BHMT: variants seen among roughly 807,000 people sequenced by gnomAD.
BHMT encodes betaine--homocysteine S-methyltransferase, also known as betaine--homocysteine S-methyltransferase 1.
BHMT carries 38 observed loss-of-function variants against 49.5 expected under a neutral mutation model. That is an observed-to-expected ratio of 0.77 (90% confidence interval 0.59 to 1.01). The LOEUF is 1.01. Ranked by LOEUF, BHMT falls within the 50% of genes least tolerant of loss-of-function variation. The probability of loss-of-function intolerance (pLI) is 0.00; values close to 1 mark genes in which losing one functional copy is unlikely to be tolerated. For missense variants in BHMT, 426 were observed against 495.7 expected (o/e 0.86, Z 1.34); for synonymous variants, 166 against 176.3 (o/e 0.94, Z 0.46).
chr5:79,124,219 G>T (rs1467637808), intron 5 of BHMT, among the ~76,000 whole-genome samples: 2 of 152,046 alleles, frequency 1.3e-5, no homozygotes, highest in African/African-American at 2.4e-5. Flanking sequence ...GATAATGGTT[G>T]CACAACATTG....
Position 79,115,916 on chromosome 5 carries a change from A to G in BHMT, c.166+17A>G, listed in dbSNP as rs775924721. 2.5e-6 allele frequency: 4 copies of G among 1,599,606 alleles called. No individual in the cohort carries two copies. Among genetic ancestry groups the G allele is most frequent in the African/African-American group, 2.7e-5 (2 of 74,208 alleles). ...CAGAAGCAGGTTGGTGCAGAGCTCT[A>G]TTGTAAGTTCTCATAAAGGAGCCGG... On this transcript the variant is annotated intron_variant, in intron 2 of 7. Coordinates refer to ENST00000274353, the MANE Select transcript of BHMT (RefSeq NM_001713.3).
chr5:79,113,814 G>C, intron 1 of BHMT, among the ~76,000 whole-genome samples: 1 of 152,164 alleles, frequency 6.6e-6, no homozygotes, highest in South Asian at 2.1e-4. Context: ...TAGAATGTAA[G>C]AGATCATATT....
At position 79,130,978 on chromosome 5, in the gene BHMT, G is replaced by A. The variant is rs926277329; in HGVS notation, c.1083G>A (p.Arg361=). The part of the protein sequence containing the change: ...YWENLRIASG[R]PYNPSMSKPD... The stretch of plus-strand genomic sequence containing the variant: ...AGAATCTTCGGATAGCCTCAGGCCG[G>A]CCATACAACCCTTCAATGTCAAAGC... Residue 361 remains arginine (R), a synonymous_variant, in exon 8 of 8, where the codon CGG becomes CGA. Transcript: ENST00000274353. 1 of 1,613,886 alleles carries A rather than the reference G, an allele frequency of 6.2e-7. No individual in the cohort carries two copies. The highest frequency in any genetic ancestry group is 8.5e-7 in the Non-Finnish European group (1 of 1,179,950).
chr5:79,111,826 C>T lies in BHMT; in HGVS notation c.-60C>T. On this transcript the variant is annotated 5_prime_UTR_variant, in exon 1 of 8. Transcript: ENST00000274353. ...CTCGGAGCAGCTCGGGGCTGCGCAG[C>T]GGGAAGGCTCGCCTAGTCGGTCCGC... is the stretch of plus-strand genomic sequence containing the variant. 1 of 1,604,258 alleles carries T rather than the reference C, an allele frequency of 6.2e-7. No homozygotes were observed. Among genetic ancestry groups the T allele is most frequent in the Non-Finnish European group, 8.5e-7 (1 of 1,175,284 alleles).
chr5:79,112,449 T>A (rs1476186779), intron 1 of BHMT, among the ~76,000 whole-genome samples: 1 of 151,748 alleles, frequency 6.6e-6, no homozygotes, highest in Non-Finnish European at 1.5e-5. Flanking sequence ...CAGGGAGGAG[T>A]GCACGGCGCT....
At chr5:79,128,385 C>T (rs1756586236) in intron 7 of BHMT, among the ~76,000 whole-genome samples, 1 of 147,434 alleles carries the variant, frequency 6.8e-6, no homozygotes, top group Non-Finnish European at 1.5e-5. Flanking sequence ...AAAAAATTAG[C>T]TGGGCATAGT....
In BHMT at chr5:79,119,356, C is replaced by T. The variant is rs1291485967; in HGVS notation, c.264C>T (p.Asn88=). ...AAGACAAGCTGGAGAACAGGGGCAA[C>T]TATGTCTTAGAGAAGATATCTGTGA... ...ASEDKLENRG[N]YVLEKISGQE... The change falls in exon 3 of 8, where the codon AAC becomes AAT. Residue 88 remains asparagine (N), a synonymous_variant. Coordinates refer to ENST00000274353, the MANE Select transcript of BHMT (RefSeq NM_001713.3). The T allele has an allele frequency of 6.2e-7, 1 of 1,613,522 alleles. No individual in the cohort carries two copies. Among genetic ancestry groups the T allele is most frequent in the African/African-American group, 1.3e-5 (1 of 74,910 alleles).
intron 2 of BHMT, among the ~76,000 whole-genome samples, chr5:79,117,201 G>A (rs1403079622): frequency 1.3e-5 from 2 of 152,216 alleles, no homozygotes; most frequent in South Asian, 4.1e-4. Flanking sequence ...CTTCTGCACT[G>A]TAAAATGTAT....
Position 79,131,149 on chromosome 5 carries a change from G to A in BHMT, c.*33G>A, listed in dbSNP as rs780721476. The A allele has an allele frequency of 6.3e-7, 1 of 1,584,902 alleles. No homozygotes were observed. Among genetic ancestry groups the A allele is most frequent in the Non-Finnish European group, 8.6e-7 (1 of 1,164,290 alleles). Reference sequence around the variant, plus strand: ...AGAAGCTATTTTTGATGAATTTCTAGGTGTTTGGGTCACAGTTCCTACAAA... The same window carrying A: ...AGAAGCTATTTTTGATGAATTTCTAAGTGTTTGGGTCACAGTTCCTACAAA... On this transcript the variant is annotated 3_prime_UTR_variant, in exon 8 of 8. Transcript: ENST00000274353.
At chr5:79,128,950 G>C (rs1756595673) in intron 7 of BHMT, among the ~76,000 whole-genome samples, 1 of 152,224 alleles carries the variant, frequency 6.6e-6, no homozygotes, top group Non-Finnish European at 1.5e-5. Flanking sequence ...TGTATGGATA[G>C]AAAAGTAACA....
chr5:79,115,725 A>G, intron 1 of BHMT, 42 bp from the exon 2 acceptor site: 1 of 1,522,070 alleles, frequency 6.6e-7, no homozygotes, highest in Non-Finnish European at 8.8e-7. Flanking sequence ...ATTATCTTAA[A>G]CACTCAAGTA....
At chr5:79,121,150 CAAAAAAA>C (rs112263466) in intron 4 of BHMT, 61 bp from the exon 5 acceptor site, 3 of 1,358,630 alleles carry the variant, frequency 2.2e-6, no homozygotes, top group Admixed American at 4.4e-5. Context: ...AACTCCGTCT[CAAAAAAA>C]AAAAAAAAAT....
chr5:79,127,893 C>T lies in BHMT; in HGVS notation c.947C>T (p.Pro316Leu). 6.2e-7 allele frequency: 1 copy of T among 1,614,138 alleles called. No homozygotes were observed. Among genetic ancestry groups the T allele is most frequent in the Non-Finnish European group, 8.5e-7 (1 of 1,180,014 alleles). ...AGGGCAATTGCAGAGGAGCTGGCCC[C>T]AGAAAGGGGCTTTTTGCCACCAGCT... ...HIRAIAEELA[P>L]ERGFLPPASE... Residue 316 changes from proline (P) to leucine (L), a missense_variant, in exon 7 of 8, where the codon CCA becomes CTA. Around this residue, in one of 3 missense-constraint regions of BHMT, gnomAD observed 32 missense variants for 71.6 expected, o/e 0.45. Coordinates refer to ENST00000274353, the MANE Select transcript of BHMT (RefSeq NM_001713.3).
chr5:79,126,975 A>G (rs1004268548), intron 6 of BHMT, among the ~76,000 whole-genome samples: 6 of 152,214 alleles, frequency 3.9e-5, no homozygotes, highest in African/African-American at 1.2e-4. Context: ...GATATTATAA[A>G]ATACAATCAC....
In BHMT at chr5:79,118,912, G is replaced by A. The variant is rs114783337; in HGVS notation, c.167-347G>A. ...GCAGTGCTGTAGTCAGTTATTTCTG[G>A]ACAGACTGTGAAGTTGTCCAAAGAC... On this transcript the variant is annotated intron_variant, in intron 2 of 7. Transcript: ENST00000274353. Among the ~76,000 whole-genome samples, 676 of 152,322 alleles carry A rather than the reference G, an allele frequency of 4.4e-3. 7 individuals are homozygous for A. Among genetic ancestry groups the A allele is most frequent in the African/African-American group, 0.016 (660 of 41,550 alleles).
At chr5:79,129,380 T>C (rs985112028) in intron 7 of BHMT, among the ~76,000 whole-genome samples, 7 of 152,172 alleles carry the variant, frequency 4.6e-5, no homozygotes, top group Non-Finnish European at 1.0e-4. Flanking sequence ...GGAATTACAT[T>C]GCTAGAGGAA....
At position 79,115,833 on chromosome 5, in the gene BHMT, G is replaced by C; in HGVS notation, c.100G>C (p.Glu34Gln). 5 of 1,614,104 alleles carry C rather than the reference G, an allele frequency of 3.1e-6. No homozygotes were observed. Among genetic ancestry groups the C allele is most frequent in the Non-Finnish European group, 4.2e-6 (5 of 1,179,992 alleles). Reference sequence around the variant, plus strand: ...AGATGGAGGGTTTGTCTTTGCACTGGAGAAGAGGGGCTACGTAAAGGCAGG... The same window carrying C: ...AGATGGAGGGTTTGTCTTTGCACTGCAGAAGAGGGGCTACGTAAAGGCAGG... ...IGDGGFVFAL[E>Q]KRGYVKAGPW... The change falls in exon 2 of 8, where the codon GAG (glutamate) becomes CAG (glutamine). Residue 34 changes from glutamate to glutamine, a missense_variant. By Grantham distance (29) the Glu-to-Gln change is conservative. This residue lies in a region of BHMT where 321 missense variants were observed against 355.9 expected (regional missense o/e 0.90). Coordinates refer to ENST00000274353, the MANE Select transcript of BHMT (RefSeq NM_001713.3).
At chr5:79,113,253 T>C (rs561802992) in intron 1 of BHMT, among the ~76,000 whole-genome samples, 2 of 152,342 alleles carry the variant, frequency 1.3e-5, no homozygotes, top group Non-Finnish European at 2.9e-5. Flanking sequence ...TCCCTAAATG[T>C]ACTAAATGAA....
chr5:79,129,948 C>G (rs761357882), intron 7 of BHMT, among the ~76,000 whole-genome samples: 44 of 152,156 alleles, frequency 2.9e-4, no homozygotes, highest in Middle Eastern at 3.2e-3. Flanking sequence ...CACTTGAGCT[C>G]AGGAGTTTGA....
Sources: allele counts gnomAD v4.1 joint callset (sites outside exome capture counted in the v4.1 genomes callset), GRCh38; gene constraint gnomAD v4.1.1; regional missense constraint gnomAD v4.1.1; transcripts MANE v1.5; gene names NCBI Gene and HGNC (gene_info 2026-07-23, HGNC 2026-07-21).